SLC16A7: variants seen among roughly 807,000 people sequenced by gnomAD.
SLC16A7 encodes the protein monocarboxylate transporter 2.
SLC16A7 carries 33 observed loss-of-function variants against 34.9 expected under a neutral mutation model. That is an observed-to-expected ratio of 0.94 (90% CI 0.72 to 1.26). The LOEUF (loss-of-function observed/expected upper bound fraction) is 1.26, where lower values mean the gene tolerates loss of function less well. SLC16A7 is among the 50% of genes most tolerant of loss of function. The pLI, the probability that SLC16A7 is intolerant of heterozygous loss-of-function variation, is 0.00. For synonymous variants in SLC16A7, 201 were observed against 206.6 expected (o/e 0.97, Z 0.23); for missense variants, 573 against 578.1 (o/e 0.99, Z 0.09).
chr12:59,715,335 C>T (rs949229840), intron 3 of SLC16A7, among the ~76,000 whole-genome samples: 2 of 152,144 alleles, frequency 1.3e-5, no homozygotes, highest in African/African-American at 4.8e-5. Context: ...CACTGACTGA[C>T]ATTGAATTTT....
intron 2 of SLC16A7, among the ~76,000 whole-genome samples, chr12:59,685,047 A>G (rs1052960859): frequency 6.6e-6 from 1 of 152,118 alleles, no homozygotes; most frequent in African/African-American, 2.4e-5. Context: ...TAGTACAGGA[A>G]GGTATGGGGA....
intron 1 of SLC16A7, among the ~76,000 whole-genome samples, chr12:59,617,721 TC>T (rs1475946524): frequency 9.9e-5 from 15 of 151,880 alleles, no homozygotes; most frequent in Admixed American, 7.2e-4. Flanking sequence ...ATTATTGAGG[TC>T]TGAATTAATT....
intron 2 of SLC16A7, among the ~76,000 whole-genome samples, chr12:59,704,011 G>A (rs184410819): frequency 9.9e-5 from 15 of 151,614 alleles, no homozygotes; most frequent in Admixed American, 2.6e-4. Flanking sequence ...AGACCAGCTT[G>A]GCCAACATGA....
At chr12:59,645,392 A>C (rs1217064302) in intron 1 of SLC16A7, among the ~76,000 whole-genome samples, 1 of 152,182 alleles carries the variant, frequency 6.6e-6, no homozygotes, top group Non-Finnish European at 1.5e-5. Flanking sequence ...AGAGACCCAC[A>C]TGCTGCTCTT....
intron 3 of SLC16A7, among the ~76,000 whole-genome samples, chr12:59,748,046 T>A (rs1194987495): frequency 1.3e-5 from 2 of 151,898 alleles, no homozygotes; most frequent in Non-Finnish European, 2.9e-5. Flanking sequence ...CTACTAAAAA[T>A]ACAAAAATTA....
At chr12:59,714,205 A>G (rs1874601209) in intron 3 of SLC16A7, among the ~76,000 whole-genome samples, 1 of 152,200 alleles carries the variant, frequency 6.6e-6, no homozygotes, top group South Asian at 2.1e-4. Context: ...TGATTGATCT[A>G]TGGTGAAAAG....
chr12:59,664,645 A>C (rs1869047083), intron 2 of SLC16A7: 1 of 152,204 alleles, frequency 6.6e-6, no homozygotes, highest in East Asian at 1.9e-4. Flanking sequence ...TGAGAAGGTT[A>C]AATTTAGCAG....
intron 2 of SLC16A7, among the ~76,000 whole-genome samples, chr12:59,678,784 T>C (rs975049953): frequency 1.4e-4 from 21 of 151,672 alleles, no homozygotes; most frequent in African/African-American, 5.1e-4. Flanking sequence ...TGCCCAGGAG[T>C]CTGTCTTCTG....
At chr12:59,742,342 G>T (rs1330964701) in intron 3 of SLC16A7, among the ~76,000 whole-genome samples, 1 of 152,180 alleles carries the variant, frequency 6.6e-6, no homozygotes, top group Non-Finnish European at 1.5e-5. Flanking sequence ...GTCTCTCCCT[G>T]GTGGCCTAGG....
chr12:59,745,539 T>C (rs1171080351), intron 3 of SLC16A7, among the ~76,000 whole-genome samples: 2 of 152,146 alleles, frequency 1.3e-5, no homozygotes, highest in African/African-American at 4.8e-5. Flanking sequence ...ATTCAATGGG[T>C]TGGTCACCAA....
At chr12:59,633,253 T>G (rs1343921752) in intron 1 of SLC16A7, among the ~76,000 whole-genome samples, 1 of 152,024 alleles carries the variant, frequency 6.6e-6, no homozygotes, top group East Asian at 1.9e-4. Flanking sequence ...TATTCTATTT[T>G]CTTGGGTTTT....
chr12:59,749,471 G>GT (rs1182412288), intron 3 of SLC16A7, among the ~76,000 whole-genome samples: 4 of 152,130 alleles, frequency 2.6e-5, no homozygotes, highest in Non-Finnish European at 5.9e-5. Flanking sequence ...AGGTGTCGAA[G>GT]TGGTCTACTT....
intron 2 of SLC16A7, among the ~76,000 whole-genome samples, chr12:59,699,864 G>A (rs1045289908): frequency 2.6e-5 from 4 of 151,730 alleles, no homozygotes; most frequent in Non-Finnish European, 4.4e-5. Context: ...GCAAGACCCT[G>A]CCTTCTGGTT....
intron 3 of SLC16A7, chr12:59,761,036 T>A: frequency 2.0e-6 from 1 of 509,212 alleles, no homozygotes; most frequent in African/African-American, 2.0e-5. Context: ...ACAACTAGTC[T>A]TCAAATACTT....
At chr12:59,735,962 C>A in intron 3 of SLC16A7, 1 of 1,199,110 alleles carries the variant, frequency 8.3e-7, no homozygotes, top group Non-Finnish European at 1.1e-6. Flanking sequence ...ATCATTCACC[C>A]TTTAAAGAGA....
intron 1 of SLC16A7, among the ~76,000 whole-genome samples, chr12:59,653,130 C>T (rs1022773921): frequency 1.7e-4 from 26 of 151,724 alleles, no homozygotes; most frequent in African/African-American, 6.3e-4. Context: ...ACAAATGAAA[C>T]TTTTACTGCA....
At position 59,788,020 on chromosome 12, in the gene SLC16A7, T is replaced by C. The variant is rs1055143886; in HGVS notation, c.*8341T>C. On this transcript the variant is annotated 3_prime_UTR_variant, in exon 6 of 6. Transcript: ENST00000547379. ...AAATTTGAAGCTTTTTATGTAAAAG[T>C]TCTTCTCCCAGATATTTTAAACCAG... The C allele has an allele frequency of 6.6e-6, 1 of 152,210 alleles. No individual in the cohort carries two copies. Among genetic ancestry groups the C allele is most frequent in the Non-Finnish European group, 1.5e-5 (1 of 68,036 alleles). 9.4% of individuals were successfully genotyped at this position (152,210 alleles called of 1,614,324 possible). A position where few individuals can be genotyped will look rare whatever the true frequency, so the allele number is the denominator to read the frequency against.
intron 2 of SLC16A7, among the ~76,000 whole-genome samples, chr12:59,679,075 T>G (rs528537343): frequency 6.6e-6 from 1 of 152,138 alleles, no homozygotes; most frequent in Non-Finnish European, 1.5e-5. Flanking sequence ...TTTCTGAGCC[T>G]GAAGGGGCAG....
chr12:59,640,059 A>G (rs1012078997), intron 1 of SLC16A7, among the ~76,000 whole-genome samples: 1 of 152,130 alleles, frequency 6.6e-6, no homozygotes, highest in Non-Finnish European at 1.5e-5. Flanking sequence ...TATAACTCAG[A>G]AATAGTCACA....
Sources: gnomAD v4.1 joint callset for allele counts (sites outside exome capture counted in the v4.1 genomes callset) on GRCh38, gnomAD v4.1.1 for gene constraint, MANE v1.5 for transcripts, NCBI Gene and HGNC (gene_info 2026-07-23, HGNC 2026-07-21) for gene names.